PPM1F: variants seen among roughly 807,000 people sequenced by gnomAD.
The protein encoded by PPM1F is protein phosphatase 1F.
A neutral mutation model predicts 35.5 loss-of-function variants in PPM1F; 17 were observed. The ratio of observed to expected loss-of-function variants is 0.48; its 90% CI spans 0.33 to 0.72. PPM1F has a LOEUF of 0.72. Ranked by LOEUF, PPM1F falls within the 30% of genes least tolerant of loss-of-function variation. PPM1F has a pLI of 0.02. For missense variants in PPM1F, 521 were observed against 613.0 expected (o/e 0.85, Z 1.59); for synonymous variants, 241 against 255.5 (o/e 0.94, Z 0.54).
intron 1 of PPM1F, chr22:21,949,247 C>T (rs946175627): frequency 6.6e-6 from 1 of 152,228 alleles, no homozygotes; most frequent in Non-Finnish European, 1.5e-5. Context: ...GCAGGGTGCC[C>T]AGGGCCATCT....
At chr22:21,926,995 G>A (rs182650323) in intron 6 of PPM1F, among the ~76,000 whole-genome samples, 134 of 152,346 alleles carry the variant, frequency 8.8e-4, no homozygotes, top group African/African-American at 3.1e-3. Context: ...GTTTGCAGGA[G>A]TCCCGGCCTT....
At chr22:21,924,251 G>A (rs935371887) in intron 7 of PPM1F, among the ~76,000 whole-genome samples, 11 of 150,676 alleles carry the variant, frequency 7.3e-5, no homozygotes, top group African/African-American at 2.7e-4. Flanking sequence ...GAGACAATGA[G>A]ATGCAGGCTG....
At chr22:21,943,133 C>G (rs1350175683) in intron 2 of PPM1F, 1 of 152,194 alleles carries the variant, frequency 6.6e-6, no homozygotes, top group Non-Finnish European at 1.5e-5. Flanking sequence ...ATGCCTTTTA[C>G]GGTCTGTGAA....
In PPM1F at chr22:21,923,191, G is replaced by A. The variant is rs775944969; in HGVS notation, c.1266C>T (p.Gly422=). 44 of 1,613,486 alleles carry A rather than the reference G, an allele frequency of 2.7e-5. No individual in the cohort carries two copies. The highest frequency in any genetic ancestry group is 6.7e-5 in the Admixed American group (4 of 59,982). ...FLRDPQELLE[G]GNQGEGDPQA... Reference sequence around the variant, plus strand: ...GGGGGTCCCCTTCTCCCTGGTTCCCGCCCTCCAGCAGCTCTTGGGGGTCCC... The same window carrying A: ...GGGGGTCCCCTTCTCCCTGGTTCCCACCCTCCAGCAGCTCTTGGGGGTCCC... The change falls in exon 8 of 8, where the codon GGC becomes GGT. Residue 422 remains glycine (G), a synonymous_variant. Coordinates refer to ENST00000263212, the MANE Select transcript of PPM1F (RefSeq NM_014634.4).
chr22:21,939,417 T>C lies in PPM1F; in HGVS notation c.355+115A>G. ...CTGCTCCTTGATTCTGCTGCCGTTGTGAGCGAGGGCCCCAGCACCCTTAGG... is the reference window on the plus strand; with the variant it reads ...CTGCTCCTTGATTCTGCTGCCGTTGCGAGCGAGGGCCCCAGCACCCTTAGG... On this transcript the variant is annotated intron_variant, in intron 3 of 7. Coordinates refer to ENST00000263212, the MANE Select transcript of PPM1F (RefSeq NM_014634.4). The surrounding 1 kb of genome is among the most constrained non-coding windows in gnomAD (Gnocchi z 5.1). The C allele has an allele frequency of 7.2e-7, 1 of 1,381,960 alleles. No individual in the cohort carries two copies. The highest frequency in any genetic ancestry group is 9.9e-7 in the Non-Finnish European group (1 of 1,013,278). 85.6% of individuals were successfully genotyped at this position (1,381,960 alleles called of 1,614,324 possible). A position where few individuals can be genotyped will look rare whatever the true frequency, so the allele number is the denominator to read the frequency against.
At position 21,923,389 on chromosome 22, in the gene PPM1F, C is replaced by T. The variant is rs1444039032; in HGVS notation, c.1068G>A (p.Leu356=). Residue 356 remains leucine (L), a synonymous_variant, in exon 8 of 8, where the codon CTG becomes CTA. Transcript: ENST00000263212. ...CGTCAAAGAAGCCATCACAGGCAAG[C>T]AGCAGGTAGTCCTCGGAGCCCGTCA... ...RALTGSEDYL[L]LACDGFFDVV... 1 of 1,613,764 alleles carries T rather than the reference C, an allele frequency of 6.2e-7. No homozygotes were observed. The highest frequency in any genetic ancestry group is 1.3e-5 in the African/African-American group (1 of 74,938).
At chr22:21,925,352 A>G in intron 7 of PPM1F, 1 of 494,042 alleles carries the variant, frequency 2.0e-6, no homozygotes, top group Non-Finnish European at 3.7e-6. Context: ...TAGGTGAGAT[A>G]ATAACATACA....
Position 21,934,185 on chromosome 22 carries a change from G to A in PPM1F, c.397C>T (p.Leu133Phe), listed in dbSNP as rs918663158. 19 of 1,579,016 alleles carry A rather than the reference G, an allele frequency of 1.2e-5. No individual in the cohort carries two copies. Among genetic ancestry groups the A allele is most frequent in the Non-Finnish European group, 1.6e-5 (19 of 1,162,222 alleles). Reference sequence around the variant, plus strand: ...TGCCACTGGCCGGCGACTTCCCAAAGGCGGTTAAAGAAACTCTGTGCCAGG... The same window carrying A: ...TGCCACTGGCCGGCGACTTCCCAAAAGCGGTTAAAGAAACTCTGTGCCAGG... ...QSLAQSFFNR[L>F]WEVAGQWQKQ... The change falls in exon 4 of 8, where the codon CTT (leucine) becomes TTT (phenylalanine). Residue 133 changes from leucine (L) to phenylalanine (F), a missense_variant. Physicochemically the swap from Leu to Phe is conservative, Grantham distance 22. Around this residue, in one of 3 missense-constraint regions of PPM1F, gnomAD observed 311 missense variants for 351.5 expected, o/e 0.88. Transcript: ENST00000263212.
chr22:21,925,470 A>T, intron 7 of PPM1F, 99 bp downstream of exon 7: 1 of 979,196 alleles, frequency 1.0e-6, no homozygotes, highest in Non-Finnish European at 1.6e-6. Flanking sequence ...TCGGCCCATC[A>T]CACTGCCTCC....
At chr22:21,925,544 T>G (rs776372487) in intron 7 of PPM1F, 25 bp downstream of exon 7, 5 of 1,608,884 alleles carry the variant, frequency 3.1e-6, no homozygotes, top group Middle Eastern at 1.6e-4. Flanking sequence ...CTTCTCCCAC[T>G]TGGGTCGGCC....
At chr22:21,934,272 C>T in intron 3 of PPM1F, 46 bp from the exon 4 acceptor site, 1 of 1,499,104 alleles carries the variant, frequency 6.7e-7, no homozygotes, top group East Asian at 2.5e-5. Flanking sequence ...CCAACCAAGC[C>T]AGCTGAGGCC....
At position 21,923,502 on chromosome 22, in the gene PPM1F, G is replaced by A. The variant is rs766047557; in HGVS notation, c.986-31C>T. 7 of 1,564,118 alleles carry A rather than the reference G, an allele frequency of 4.5e-6. No homozygotes were observed. The South Asian group carries it at 8.3e-5, about 18-fold the overall frequency. ...CAGGCGGAGAAGAGCCCGGGTCAGA[G>A]GACCACGGTGTCCACAGCTTCCTCC... On this transcript the variant is annotated intron_variant, in intron 7 of 7. Transcript: ENST00000263212.
intron 3 of PPM1F, chr22:21,938,399 C>A: frequency 1.7e-6 from 2 of 1,156,480 alleles, no homozygotes; most frequent in Non-Finnish European, 2.2e-6. Context: ...TAAGGCAAGG[C>A]TGCGCTCCCA....
rs879373310 is a variant in PPM1F at position 21,945,593 on chromosome 22, C to T, written c.206+250G>A. On this transcript the variant is annotated intron_variant, in intron 2 of 7. Transcript: ENST00000263212. ...CCCTGCAGCCTTTGAGAGAGCATGG[C>T]GCAGCTGCCACCTTGATCTTGGACT... 3.3e-5 allele frequency: 17 copies of T among 518,642 alleles called. No individual in the cohort carries two copies. In the Middle Eastern group the frequency reaches 1.5e-3, roughly 46 times the overall value. 32.1% of individuals were successfully genotyped at this position (518,642 alleles called of 1,614,324 possible). A position where few individuals can be genotyped will look rare whatever the true frequency, so the allele number is the denominator to read the frequency against.
chr22:21,943,454 A>G (rs1386334121), intron 2 of PPM1F: 2 of 152,198 alleles, frequency 1.3e-5, no homozygotes, highest in African/African-American at 4.8e-5. Flanking sequence ...TTAGTTCACC[A>G]TGTAAGGTGG....
intron 6 of PPM1F, among the ~76,000 whole-genome samples, chr22:21,929,124 C>G (rs2070557186): frequency 6.6e-6 from 1 of 152,152 alleles, no homozygotes; most frequent in Non-Finnish European, 1.5e-5. Flanking sequence ...CAGTTTCTTG[C>G]TCTTGTAACC....
chr22:21,931,582 G>C (rs980712544), intron 5 of PPM1F, among the ~76,000 whole-genome samples: 1 of 151,098 alleles, frequency 6.6e-6, no homozygotes, highest in Non-Finnish European at 1.5e-5. Flanking sequence ...GCACAATCTC[G>C]GCTCAGTGCA....
Position 21,931,231 on chromosome 22 carries a change from C to T in PPM1F, c.808G>A (p.Ala270Thr), listed in dbSNP as rs750380798. The change falls in exon 6 of 8, where the codon GCC becomes ACC. Residue 270 changes from alanine to threonine, a missense_variant. By Grantham distance (58) the Ala-to-Thr change is moderately conservative. Coordinates refer to ENST00000263212, the MANE Select transcript of PPM1F (RefSeq NM_014634.4). ...ATGACCTGGGAATCCCCGAGCCAGGCGACGTGCAGGGTCGCTCCTGCAATG... is the reference window on the plus strand; with the variant it reads ...ATGACCTGGGAATCCCCGAGCCAGGTGACGTGCAGGGTCGCTCCTGCAATG... ...ALIAGATLHVAWLGDSQVILV... is the reference protein window; with the variant it reads ...ALIAGATLHVTWLGDSQVILV... 6 of 1,614,056 alleles carry T rather than the reference C, an allele frequency of 3.7e-6. No individual in the cohort carries two copies. Among genetic ancestry groups the T allele is most frequent in the Admixed American group, 1.7e-5 (1 of 60,022 alleles).
intron 6 of PPM1F, among the ~76,000 whole-genome samples, chr22:21,927,538 C>A (rs2145792800): frequency 6.6e-6 from 1 of 152,358 alleles, no homozygotes; most frequent in Non-Finnish European, 1.5e-5. Flanking sequence ...CGGCAATCTG[C>A]TTCCCATGCC....
Sources: gnomAD v4.1 joint callset for allele counts (sites outside exome capture counted in the v4.1 genomes callset) on GRCh38, gnomAD v4.1.1 for gene constraint, gnomAD v4.1.1 regional missense constraint, Gnocchi (gnomAD v3.1) non-coding constraint, MANE v1.5 for transcripts, NCBI Gene and HGNC (gene_info 2026-07-23, HGNC 2026-07-21) for gene names.